Variants in RASSF5 observed in about 807,000 individuals in gnomAD.
RASSF5 encodes the protein ras association domain-containing protein 5.
RASSF5 carries 25 observed loss-of-function variants against 40.5 expected under a neutral mutation model. The observed-to-expected ratio is 0.62, with a 90% confidence interval of 0.45 to 0.86. The LOEUF is 0.86. Ranked by LOEUF, RASSF5 falls within the 40% of genes least tolerant of loss-of-function variation. The probability of loss-of-function intolerance (pLI) is 0.00; values close to 1 mark genes in which losing one functional copy is unlikely to be tolerated. For synonymous variants in RASSF5, 246 were observed against 252.4 expected (o/e 0.97, Z 0.24); for missense variants, 521 against 572.8 (o/e 0.91, Z 0.92).
chr1:206,517,777 T>C (rs1408455999), intron 1 of RASSF5, among the ~76,000 whole-genome samples: 1 of 152,194 alleles, frequency 6.6e-6, no homozygotes, highest in African/African-American at 2.4e-5. Context: ...TGATCTTTTC[T>C]CACCACCCCA....
intron 1 of RASSF5, among the ~76,000 whole-genome samples, chr1:206,511,244 G>A (rs1666605300): frequency 2.0e-5 from 3 of 152,206 alleles, no homozygotes; most frequent in Admixed American, 2.0e-4. Context: ...GGGTAGGGGT[G>A]ATGGTGATGG....
At position 206,570,078 on chromosome 1, in the gene RASSF5, CTTTTTTT is replaced by C. The variant is rs375900760; in HGVS notation, c.580-13171_580-13165del. On this transcript the variant is annotated intron_variant, in intron 2 of 5. Transcript: ENST00000579436. ...AAAATACACATAACATAAAATTTAC[CTTTTTTT>C]TTTTTTTTTTTTTTTTTTTCCCCAA... Among the ~76,000 whole-genome samples, 188 of 119,334 alleles carry C rather than the reference CTTTTTTT, an allele frequency of 1.6e-3. 4 individuals carry two copies. Among genetic ancestry groups the C allele is most frequent in the Middle Eastern group, 4.2e-3 (1 of 238 alleles). The allele number at this position is 119,334 out of a possible 152,430, so 78.3% of individuals were successfully genotyped here.
intron 2 of RASSF5, among the ~76,000 whole-genome samples, chr1:206,575,470 GAT>G (rs201392129): frequency 2.1e-3 from 326 of 152,302 alleles, no homozygotes; most frequent in African/African-American, 7.6e-3. Context: ...GCTTGGCTAA[GAT>G]AGAGTCTTGC....
At chr1:206,521,729 T>C (rs1255267207) in intron 1 of RASSF5, among the ~76,000 whole-genome samples, 8 of 152,220 alleles carry the variant, frequency 5.3e-5, no homozygotes, top group African/African-American at 1.9e-4. Context: ...TCCCCTTCTC[T>C]TTCCGTATGT....
At chr1:206,522,201 C>T (rs1666924915) in intron 1 of RASSF5, among the ~76,000 whole-genome samples, 1 of 152,074 alleles carries the variant, frequency 6.6e-6, no homozygotes, top group East Asian at 1.9e-4. Flanking sequence ...TAACAGTGAG[C>T]TATGGGAGGC....
chr1:206,521,101 C>A (rs1553396021), intron 1 of RASSF5, among the ~76,000 whole-genome samples: 1 of 152,094 alleles, frequency 6.6e-6, no homozygotes, highest in East Asian at 1.9e-4. Context: ...CTAGATTAGC[C>A]CACCGGGTAT....
At chr1:206,564,828 A>AG (rs1324705503) in intron 2 of RASSF5, among the ~76,000 whole-genome samples, 2 of 152,302 alleles carry the variant, frequency 1.3e-5, no homozygotes, top group Admixed American at 1.3e-4. Flanking sequence ...GCCACGAATC[A>AG]GGAGCACTTG....
At chr1:206,557,099 A>C in intron 2 of RASSF5, 6 of 979,572 alleles carry the variant, frequency 6.1e-6, no homozygotes, top group Non-Finnish European at 7.3e-6. Context: ...GGCGGCGGGG[A>C]GGCGGGGGAG....
chr1:206,561,910 C>A (rs1441970868), intron 2 of RASSF5, among the ~76,000 whole-genome samples: 1 of 151,484 alleles, frequency 6.6e-6, no homozygotes, highest in East Asian at 1.9e-4. Flanking sequence ...CTCAGGTGAA[C>A]CCCTACCTCG....
At chr1:206,573,628 T>G (rs1424515935) in intron 2 of RASSF5, among the ~76,000 whole-genome samples, 1 of 152,184 alleles carries the variant, frequency 6.6e-6, no homozygotes, top group Non-Finnish European at 1.5e-5. Flanking sequence ...CCACCAGGCA[T>G]AGAGAAGTAG....
chr1:206,525,833 C>T (rs868941233), intron 1 of RASSF5, among the ~76,000 whole-genome samples: 24 of 152,202 alleles, frequency 1.6e-4, no homozygotes, highest in African/African-American at 4.6e-4. Context: ...ACAAAATGGT[C>T]GCTAAAAGTG....
In RASSF5 at chr1:206,552,970, G is replaced by A. The variant is rs540003504; in HGVS notation, c.579+14677G>A. ...TGTAATCCCAGCACTTTGGGAGGCC[G>A]AGGCAGGCAGATCACGAGGTCAGGA... On this transcript the variant is annotated intron_variant, in intron 2 of 5. Transcript: ENST00000579436. This position sits in a 1 kb window ranked among gnomAD's most constrained non-coding sequence, Gnocchi z 4.1. 7.0e-4 allele frequency among the ~76,000 whole-genome samples: 106 copies of A among 152,262 alleles called. No individual in the cohort carries two copies. The highest frequency in any genetic ancestry group is 2.2e-3 in the African/African-American group (90 of 41,546).
In RASSF5 at chr1:206,588,647, A is replaced by T. The variant is rs1553408232; in HGVS notation, c.*1669A>T. ...CATACTGCCCCTGATCCCAGAAGGA[A>T]TGCTGACCCCTCGTCGTATGAACTG... is the stretch of plus-strand genomic sequence containing the variant. On this transcript the variant is annotated 3_prime_UTR_variant, in exon 6 of 6. Transcript: ENST00000579436. 1 of 152,412 alleles carries T rather than the reference A, an allele frequency of 6.6e-6. No individual in the cohort carries two copies. The highest frequency in any genetic ancestry group is 6.5e-5 in the Admixed American group (1 of 15,274). The allele number at this position is 152,412 out of a possible 1,614,324, so 9.4% of individuals were successfully genotyped here. A position where few individuals can be genotyped will look rare whatever the true frequency, so the allele number is the denominator to read the frequency against.
intron 1 of RASSF5, among the ~76,000 whole-genome samples, chr1:206,537,776 G>T (rs1011262561): frequency 2.0e-5 from 3 of 152,190 alleles, no homozygotes; most frequent in Non-Finnish European, 2.9e-5. Context: ...GCCCATAAAA[G>T]TCAAGTCCTT....
intron 2 of RASSF5, chr1:206,557,559 G>A: frequency 6.2e-7 from 1 of 1,613,524 alleles, no homozygotes; most frequent in Middle Eastern, 1.7e-4. Flanking sequence ...GCCTCGGCCG[G>A]GAACTCCGGG....
At chr1:206,569,648 G>A (rs1553403899) in intron 2 of RASSF5, among the ~76,000 whole-genome samples, 1 of 152,194 alleles carries the variant, frequency 6.6e-6, no homozygotes, top group African/African-American at 2.4e-5. Context: ...CATTCCTCAT[G>A]ACTTAGTTTG....
At chr1:206,519,633 T>G (rs2103505889) in intron 1 of RASSF5, among the ~76,000 whole-genome samples, 1 of 152,294 alleles carries the variant, frequency 6.6e-6, no homozygotes, top group South Asian at 2.1e-4. Flanking sequence ...TTCTCTATAC[T>G]TCTCTCATAT....
intron 5 of RASSF5, 104 bp downstream of exon 5, chr1:206,585,399 G>T: frequency 1.2e-6 from 1 of 809,790 alleles, no homozygotes. Context: ...CACGCAGCAC[G>T]GGCAGGAAGG....
intron 1 of RASSF5, among the ~76,000 whole-genome samples, chr1:206,511,898 T>C (rs1553394723): frequency 6.6e-6 from 1 of 152,168 alleles, no homozygotes; most frequent in African/African-American, 2.4e-5. Flanking sequence ...TTGTGGGTTC[T>C]TTGTGAAAAA....
Sources: gnomAD v4.1 joint callset for allele counts (sites outside exome capture counted in the v4.1 genomes callset) on GRCh38, gnomAD v4.1.1 for gene constraint, Gnocchi (gnomAD v3.1) non-coding constraint, MANE v1.5 for transcripts, NCBI Gene and HGNC (gene_info 2026-07-23, HGNC 2026-07-21) for gene names.